Variants in DLG2 observed in about 807,000 individuals in gnomAD.
DLG2 encodes discs large MAGUK scaffold protein 2.
DLG2 carries 45 observed loss-of-function variants against 132.5 expected under a neutral mutation model. The ratio of observed to expected loss-of-function variants is 0.34; its 90% CI spans 0.27 to 0.44. The LOEUF is 0.44. Ranked by LOEUF, DLG2 falls within the 20% of genes least tolerant of loss-of-function variation. The probability of loss-of-function intolerance (pLI) is 1.00; values close to 1 mark genes in which losing one functional copy is unlikely to be tolerated. For synonymous variants in DLG2, 424 were observed against 419.6 expected (o/e 1.01, Z -0.13); for missense variants, 1,045 against 1,196.9 (o/e 0.87, Z 1.87).
intron 6 of DLG2, among the ~76,000 whole-genome samples, chr11:84,814,840 G>A (rs781060076): frequency 6.6e-6 from 1 of 152,060 alleles, no homozygotes; most frequent in African/African-American, 2.4e-5. Context: ...ATAACAATAT[G>A]GAAAGAGGTT....
intron 4 of DLG2, among the ~76,000 whole-genome samples, chr11:85,166,680 A>G (rs996826009): frequency 2.0e-5 from 3 of 152,164 alleles, no homozygotes; most frequent in Non-Finnish European, 4.4e-5. Flanking sequence ...CATTGCTTAT[A>G]TATTTATCTT....
chr11:83,578,476 C>T (rs1224967545), intron 19 of DLG2, among the ~76,000 whole-genome samples: 1 of 151,816 alleles, frequency 6.6e-6, no homozygotes, highest in Non-Finnish European at 1.5e-5. Flanking sequence ...GTTTGTTAGA[C>T]CGGATAAAAA....
intron 14 of DLG2, among the ~76,000 whole-genome samples, chr11:83,938,528 T>C (rs12284566): frequency 0.076 from 11,643 of 152,252 alleles, 611 homozygotes; most frequent in Non-Finnish European, 0.12. Context: ...AGGTCTTGAG[T>C]ACAATTTTAA....
At chr11:84,012,110 G>A (rs747817551) in intron 11 of DLG2, among the ~76,000 whole-genome samples, 12 of 152,064 alleles carry the variant, frequency 7.9e-5, no homozygotes, top group Non-Finnish European at 1.8e-4. Flanking sequence ...TAAATGGATA[G>A]TTCGCTTGCT....
At position 85,377,902 on chromosome 11, in the gene DLG2, C is replaced by CAT. The variant is rs531740850; in HGVS notation, c.41-92539_41-92538dup. 2.7e-3 allele frequency among the ~76,000 whole-genome samples: 410 copies of CAT among 149,880 alleles called. 6 individuals carry two copies. Among genetic ancestry groups the CAT allele is most frequent in the African/African-American group, 9.1e-3 (371 of 40,876 alleles). On this transcript the variant is annotated intron_variant, in intron 3 of 27. Coordinates refer to ENST00000376104, the MANE Select transcript of DLG2 (RefSeq NM_001142699.3). ...ACACACACAAACACACACACACATA[C>CAT]ATATATATATACACATATTTCAATT...
Position 84,430,475 on chromosome 11 carries a change from A to G in DLG2, c.519+104095T>C, listed in dbSNP as rs148736231. ...GAAAAGAAAAAAAAAAGAGAAGGAAATGCAGCTAATAAGAGTACCTCAGAA... is the reference window on the plus strand; with the variant it reads ...GAAAAGAAAAAAAAAAGAGAAGGAAGTGCAGCTAATAAGAGTACCTCAGAA... On this transcript the variant is annotated intron_variant, in intron 7 of 27. Transcript: ENST00000376104. 3.8e-3 allele frequency among the ~76,000 whole-genome samples: 576 copies of G among 151,986 alleles called. 5 individuals are homozygous for G. Among genetic ancestry groups the G allele is most frequent in the African/African-American group, 0.014 (562 of 41,442 alleles).
intron 15 of DLG2, among the ~76,000 whole-genome samples, chr11:83,888,656 A>T (rs569934668): frequency 2.0e-5 from 3 of 152,186 alleles, no homozygotes; most frequent in African/African-American, 7.2e-5. Context: ...ATCCTAAGCC[A>T]AAAGAACAAA....
chr11:84,904,339 G>C (rs4944500), intron 6 of DLG2, among the ~76,000 whole-genome samples: 71,216 of 151,898 alleles, frequency 0.47, 17,333 homozygotes, highest in South Asian at 0.62. Context: ...CTTTGTTTGT[G>C]TAATTACATT....
intron 18 of DLG2, among the ~76,000 whole-genome samples, chr11:83,669,262 T>C (rs1453155198): frequency 6.6e-6 from 1 of 152,164 alleles, no homozygotes; most frequent in African/African-American, 2.4e-5. Flanking sequence ...TGCAAAATAA[T>C]ATTCGCACCT....
intron 16 of DLG2, among the ~76,000 whole-genome samples, chr11:83,844,077 G>C (rs757734377): frequency 6.6e-6 from 1 of 152,178 alleles, no homozygotes; most frequent in Non-Finnish European, 1.5e-5. Context: ...TTTGATGGCT[G>C]CATGAATAGG....
chr11:83,963,084 C>T lies in DLG2; in HGVS notation c.1202-61G>A, dbSNP rs1197464946. On this transcript the variant is annotated intron_variant, in intron 13 of 27. Coordinates refer to ENST00000376104, the MANE Select transcript of DLG2 (RefSeq NM_001142699.3). Reference sequence around the variant, plus strand: ...TATGTGGGTGATTCAATGTGTCATGCTATACTTCAGAAAAATGTATTAAAA... The same window carrying T: ...TATGTGGGTGATTCAATGTGTCATGTTATACTTCAGAAAAATGTATTAAAA... 2.6e-6 allele frequency: 4 copies of T among 1,545,338 alleles called. No individual in the cohort carries two copies. In the African/African-American group the frequency reaches 4.1e-5, roughly 16 times the overall value.
chr11:83,835,311 T>G (rs2055828073), intron 16 of DLG2, among the ~76,000 whole-genome samples: 1 of 152,084 alleles, frequency 6.6e-6, no homozygotes, highest in African/African-American at 2.4e-5. Flanking sequence ...ATAAGTTCAT[T>G]ATATAGCACG....
At chr11:84,741,621 A>C (rs1256860617) in intron 6 of DLG2, among the ~76,000 whole-genome samples, 3 of 152,056 alleles carry the variant, frequency 2.0e-5, no homozygotes, top group Non-Finnish European at 4.4e-5. Context: ...CCTAGAACCA[A>C]AGCTAATGCA....
chr11:84,688,988 G>A (rs1460257437), intron 6 of DLG2, among the ~76,000 whole-genome samples: 2 of 152,170 alleles, frequency 1.3e-5, no homozygotes, highest in African/African-American at 4.8e-5. Flanking sequence ...ATGTGGGAGA[G>A]GCCTTCCTTC....
chr11:84,303,112 AAAAAT>A (rs1274780650), intron 7 of DLG2, among the ~76,000 whole-genome samples: 1 of 152,198 alleles, frequency 6.6e-6, no homozygotes, highest in Non-Finnish European at 1.5e-5. Context: ...CTCTGTCTCA[AAAAAT>A]AAAATAAAAT....
At chr11:85,129,909 A>T (rs2075529534) in intron 5 of DLG2, among the ~76,000 whole-genome samples, 1 of 152,086 alleles carries the variant, frequency 6.6e-6, no homozygotes, top group South Asian at 2.1e-4. Context: ...CTTTGCAGGG[A>T]CATGGATGAA....
chr11:84,459,704 G>A (rs1181083832), intron 7 of DLG2, among the ~76,000 whole-genome samples: 2 of 150,370 alleles, frequency 1.3e-5, no homozygotes, highest in Non-Finnish European at 3.0e-5. Context: ...GGTAGGTTGT[G>A]TTTTCTGTTA....
At chr11:84,834,669 G>C (rs541423268) in intron 6 of DLG2, among the ~76,000 whole-genome samples, 1 of 151,570 alleles carries the variant, frequency 6.6e-6, no homozygotes, top group South Asian at 2.1e-4. Flanking sequence ...TTATCATGAG[G>C]TGCAGGGCAA....
chr11:84,368,489 A>G (rs1362449015), intron 7 of DLG2, among the ~76,000 whole-genome samples: 2 of 152,130 alleles, frequency 1.3e-5, no homozygotes, highest in Non-Finnish European at 2.9e-5. Context: ...TAGATCAAGT[A>G]AACATGTCCT....
Sources: allele counts gnomAD v4.1 joint callset (sites outside exome capture counted in the v4.1 genomes callset), GRCh38; gene constraint gnomAD v4.1.1; transcripts MANE v1.5; gene names NCBI Gene and HGNC (gene_info 2026-07-23, HGNC 2026-07-21).